Variants in DISC1 observed in about 807,000 individuals in gnomAD.
DISC1 encodes disrupted in schizophrenia 1 protein.
Under a neutral mutation model 84.5 loss-of-function variants are expected in DISC1, and 57 were observed. That is an observed-to-expected ratio of 0.67 (90% confidence interval 0.55 to 0.84). DISC1 has a LOEUF of 0.84. Ranked by LOEUF, DISC1 falls within the 40% of genes least tolerant of loss-of-function variation. The probability of loss-of-function intolerance (pLI) is 0.00; values close to 1 mark genes in which losing one functional copy is unlikely to be tolerated. For synonymous variants in DISC1, 411 were observed against 415.2 expected (o/e 0.99, Z 0.12); for missense variants, 1,000 against 1,057.8 (o/e 0.95, Z 0.76).
intron 11 of DISC1, among the ~76,000 whole-genome samples, chr1:232,022,996 C>T (rs997289350): frequency 6.6e-6 from 1 of 152,036 alleles, no homozygotes; most frequent in Non-Finnish European, 1.5e-5. Context: ...GAATTTGTTC[C>T]CTTATGCTAC....
intron 8 of DISC1, among the ~76,000 whole-genome samples, chr1:231,801,624 G>A (rs2079265090): frequency 6.6e-6 from 1 of 152,168 alleles, no homozygotes; most frequent in South Asian, 2.1e-4. Context: ...TGCTCTGTAT[G>A]CTCTTTGGTG....
At chr1:231,934,589 AGC>A (rs1372086953) in intron 9 of DISC1, among the ~76,000 whole-genome samples, 2 of 152,378 alleles carry the variant, frequency 1.3e-5, no homozygotes, top group Admixed American at 1.3e-4. Context: ...TTTCTTAAAT[AGC>A]AATCCTTTGT....
chr1:231,862,475 A>C (rs1351618868), intron 9 of DISC1, among the ~76,000 whole-genome samples: 1 of 152,164 alleles, frequency 6.6e-6, no homozygotes, highest in Non-Finnish European at 1.5e-5. Flanking sequence ...TTATGAAAGA[A>C]CTTGGTAAAT....
Position 231,750,103 on chromosome 1 carries a change from T to C in DISC1, c.1268+27T>C, listed in dbSNP as rs375148298. 13 of 1,603,848 alleles carry C rather than the reference T, an allele frequency of 8.1e-6. No homozygotes were observed. The African/African-American group carries it at 1.5e-4, about 18-fold the overall frequency. On this transcript the variant is annotated intron_variant, in intron 4 of 12. Transcript: ENST00000439617. ...TGAGTACTTGTTATTGTCACCATTT[T>C]CCCCTCATGTTTCTTCCTACCTCTC...
At chr1:232,017,504 G>C (rs575374577) in intron 11 of DISC1, among the ~76,000 whole-genome samples, 9 of 127,546 alleles carry the variant, frequency 7.1e-5, no homozygotes, top group Admixed American at 2.6e-4. Flanking sequence ...TTTTTTTACT[G>C]TGTAGCCTGT....
At position 231,879,087 on chromosome 1, in the gene DISC1, C is replaced by T. The variant is rs9660295; in HGVS notation, c.1981+60570C>T. On this transcript the variant is annotated intron_variant, in intron 9 of 12. Coordinates refer to ENST00000439617, the MANE Select transcript of DISC1 (RefSeq NM_018662.3). ...GAAATGCTTGGGATCAGGAGTGTTT[C>T]CGATTTTTTTTTTTTTCAGATTTTG... 6.3e-3 allele frequency among the ~76,000 whole-genome samples: 946 copies of T among 151,108 alleles called. 5 individuals are homozygous for T. The highest frequency in any genetic ancestry group is 0.022 in the African/African-American group (893 of 41,130).
chr1:231,885,820 A>T (rs2086640007), intron 9 of DISC1, among the ~76,000 whole-genome samples: 1 of 149,976 alleles, frequency 6.7e-6, no homozygotes, highest in African/African-American at 2.5e-5. Context: ...AGCTCGAGCT[A>T]AAAGCAGGAG....
intron 9 of DISC1, among the ~76,000 whole-genome samples, chr1:231,869,301 G>C (rs1301218310): frequency 2.0e-5 from 3 of 152,120 alleles, no homozygotes; most frequent in African/African-American, 7.2e-5. Flanking sequence ...CAGACTTGCT[G>C]GTTGTCTTGA....
At chr1:231,823,384 C>T (rs915038255) in intron 9 of DISC1, among the ~76,000 whole-genome samples, 1 of 151,982 alleles carries the variant, frequency 6.6e-6, no homozygotes, top group African/African-American at 2.4e-5. Flanking sequence ...AAAACAAAGA[C>T]AGAAGAAAAT....
chr1:231,701,815 TG>T (rs1380003970), intron 2 of DISC1, 139 bp from the exon 3 acceptor site: 2 of 740,652 alleles, frequency 2.7e-6, no homozygotes, highest in East Asian at 6.0e-5. Flanking sequence ...ATTGAAAAAA[TG>T]TGCATTTTTG....
chr1:231,938,004 C>T (rs1466713164), intron 9 of DISC1, among the ~76,000 whole-genome samples: 1 of 152,078 alleles, frequency 6.6e-6, no homozygotes, highest in Non-Finnish European at 1.5e-5. Context: ...ACCACTCCAT[C>T]TCTGTTCTCT....
chr1:231,750,496 C>T (rs2074493464), intron 4 of DISC1: 2 of 996,950 alleles, frequency 2.0e-6, no homozygotes, highest in African/African-American at 1.7e-5. Context: ...TGCCCTCCAG[C>T]TCCTGAGCAA....
chr1:231,711,206 C>T (rs920465111), intron 3 of DISC1, among the ~76,000 whole-genome samples: 55 of 151,672 alleles, frequency 3.6e-4, no homozygotes, highest in Non-Finnish European at 1.5e-4. Context: ...CCATGGTGGA[C>T]AAACTATGCA....
chr1:231,770,791 G>A (rs2076501287), intron 5 of DISC1, 44 bp from the exon 6 acceptor site: 1 of 1,592,886 alleles, frequency 6.3e-7, no homozygotes, highest in Non-Finnish European at 8.6e-7. Context: ...AGTTTGCCAT[G>A]AGCAGGGTTA....
At chr1:232,007,624 C>T (rs558615519) in intron 10 of DISC1, among the ~76,000 whole-genome samples, 3 of 152,072 alleles carry the variant, frequency 2.0e-5, no homozygotes, top group Non-Finnish European at 4.4e-5. Flanking sequence ...TTTACAGGCT[C>T]CTAGGTGGAA....
intron 1 of DISC1, among the ~76,000 whole-genome samples, chr1:231,641,729 G>C (rs952878647): frequency 6.6e-6 from 1 of 152,086 alleles, no homozygotes; most frequent in African/African-American, 2.4e-5. Context: ...ACAAATGTTC[G>C]CCACCTCCCC....
intron 4 of DISC1, among the ~76,000 whole-genome samples, chr1:231,753,703 G>A (rs537671757): frequency 1.4e-4 from 22 of 152,192 alleles, no homozygotes; most frequent in East Asian, 3.9e-4. Context: ...CTACCACATG[G>A]CCAAGCTGCA....
At chr1:231,869,801 C>T (rs1037934784) in intron 9 of DISC1, among the ~76,000 whole-genome samples, 5 of 152,106 alleles carry the variant, frequency 3.3e-5, no homozygotes, top group African/African-American at 1.2e-4. Flanking sequence ...GTATCTAAAC[C>T]ATAGCAGAGT....
At chr1:231,810,060 C>G (rs533852415) in intron 8 of DISC1, among the ~76,000 whole-genome samples, 2 of 152,204 alleles carry the variant, frequency 1.3e-5, no homozygotes, top group Admixed American at 1.3e-4. Context: ...TTATATACCA[C>G]GAAAAACTAC....
Sources: allele counts gnomAD v4.1 joint callset (sites outside exome capture counted in the v4.1 genomes callset), GRCh38; gene constraint gnomAD v4.1.1; transcripts MANE v1.5; gene names NCBI Gene and HGNC (gene_info 2026-07-23, HGNC 2026-07-21).